Variants in ITPR2 observed in about 807,000 individuals in gnomAD.
The protein encoded by ITPR2 is inositol 1,4,5-trisphosphate-gated calcium channel ITPR2.
In ITPR2, 207 loss-of-function variants were observed where a neutral mutation model predicts 317.1. That is an observed-to-expected ratio of 0.65 (90% confidence interval 0.58 to 0.73). ITPR2 has a LOEUF of 0.73. ITPR2 is among the 30% of genes least tolerant of loss of function. The pLI is 0.00. For missense variants in ITPR2, 2,613 were observed against 3,284.0 expected (o/e 0.80, Z 4.99); for synonymous variants, 1,156 against 1,149.1 (o/e 1.01, Z -0.12).
At position 26,337,997 on chromosome 12, in the gene ITPR2, A is replaced by T. The variant is rs1238368009; in HGVS notation, c.*1400T>A. On this transcript the variant is annotated 3_prime_UTR_variant, in exon 57 of 57. Coordinates refer to ENST00000381340, the MANE Select transcript of ITPR2 (RefSeq NM_002223.4). ...CAGAGCAAACCCTATAGCAAACCCT[A>T]TCTAGACCTTAAACCTTGGCGTTGA... The T allele has an allele frequency of 2.0e-5, 3 of 152,180 alleles. No individual in the cohort carries two copies. The highest frequency in any genetic ancestry group is 7.2e-5 in the African/African-American group (3 of 41,444). 9.4% of individuals were successfully genotyped at this position (152,180 alleles called of 1,614,324 possible).
intron 2 of ITPR2, 90 bp downstream of exon 2, chr12:26,790,067 T>A (rs1950316886): frequency 1.2e-6 from 1 of 845,634 alleles, no homozygotes; most frequent in East Asian, 2.6e-5. Flanking sequence ...AGTTTCACAT[T>A]GAATAAAGTT....
At chr12:26,508,982 T>C (rs954859801) in intron 37 of ITPR2, among the ~76,000 whole-genome samples, 3 of 152,118 alleles carry the variant, frequency 2.0e-5, no homozygotes, top group African/African-American at 7.2e-5. Flanking sequence ...GTAGAGACAA[T>C]CCAAATGTCC....
intron 5 of ITPR2, among the ~76,000 whole-genome samples, chr12:26,717,407 T>C (rs899798019): frequency 1.3e-5 from 2 of 152,204 alleles, no homozygotes; most frequent in African/African-American, 4.8e-5. Flanking sequence ...TATCTGGCGA[T>C]TGAAATATAA....
At chr12:26,811,757 G>C (rs1452579551) in intron 1 of ITPR2, among the ~76,000 whole-genome samples, 2 of 151,196 alleles carry the variant, frequency 1.3e-5, no homozygotes, top group Non-Finnish European at 2.9e-5. Flanking sequence ...AGGAGGCTGA[G>C]GCAGGAGAAT....
At chr12:26,634,732 A>G (rs1311800068) in intron 21 of ITPR2, among the ~76,000 whole-genome samples, 1 of 151,898 alleles carries the variant, frequency 6.6e-6, no homozygotes, top group Non-Finnish European at 1.5e-5. Context: ...TAAAAATACA[A>G]AAACTAGCCG....
chr12:26,407,283 G>C (rs1050161054), intron 52 of ITPR2, among the ~76,000 whole-genome samples: 2 of 152,080 alleles, frequency 1.3e-5, no homozygotes, highest in African/African-American at 4.8e-5. Flanking sequence ...TTGTATTCAG[G>C]GTCATGAATA....
chr12:26,501,353 G>A (rs1422252129), intron 37 of ITPR2, among the ~76,000 whole-genome samples: 1 of 152,182 alleles, frequency 6.6e-6, no homozygotes, highest in Non-Finnish European at 1.5e-5. Context: ...CTGTATCTTT[G>A]TGGAGTGATA....
chr12:26,787,781 A>C (rs7316091), intron 2 of ITPR2, among the ~76,000 whole-genome samples: 24,576 of 152,186 alleles, frequency 0.16, 2,718 homozygotes, highest in Non-Finnish European at 0.24. Context: ...ACAGACTATG[A>C]GACTATGGGC....
chr12:26,390,612 A>G (rs188511528), intron 54 of ITPR2, among the ~76,000 whole-genome samples: 2 of 152,298 alleles, frequency 1.3e-5, no homozygotes, highest in African/African-American at 4.8e-5. Context: ...GATGATGGCT[A>G]AAGGGTATGG....
chr12:26,444,608 G>C (rs1941564796), intron 45 of ITPR2, among the ~76,000 whole-genome samples: 1 of 152,172 alleles, frequency 6.6e-6, no homozygotes. Flanking sequence ...GAAGCACAGA[G>C]AGTGTAAGGA....
intron 1 of ITPR2, among the ~76,000 whole-genome samples, chr12:26,797,065 G>A (rs1950459142): frequency 6.6e-6 from 1 of 151,698 alleles, no homozygotes; most frequent in African/African-American, 2.4e-5. Flanking sequence ...ATGACTAAAT[G>A]AATAATTTCA....
At chr12:26,474,785 C>T (rs888259626) in intron 45 of ITPR2, among the ~76,000 whole-genome samples, 5 of 111,470 alleles carry the variant, frequency 4.5e-5, no homozygotes, top group African/African-American at 1.6e-4. Flanking sequence ...CAGAGCGAGA[C>T]TCCGTCTCAA....
Position 26,656,374 on chromosome 12 carries a change from C to T in ITPR2, c.2367G>A (p.Arg789=), listed in dbSNP as rs762627628. The T allele has an allele frequency of 1.2e-6, 2 of 1,614,142 alleles. No homozygotes were observed. The highest frequency in any genetic ancestry group is 1.7e-6 in the Non-Finnish European group (2 of 1,180,020). Reference sequence around the variant, plus strand: ...CAGGCACCACGGACTCCTGGGGATCCCGGTCAACGTGCATGTGGAGCATGA... The same window carrying T: ...CAGGCACCACGGACTCCTGGGGATCTCGGTCAACGTGCATGTGGAGCATGA... ...CRLMLHMHVD[R]DPQESVVPVR... is the part of the protein sequence containing the mutation. The change falls in exon 19 of 57, where the codon CGG becomes CGA. Residue 789 remains arginine (R), a synonymous_variant. Transcript: ENST00000381340.
chr12:26,572,740 T>C (rs1001452), intron 34 of ITPR2, among the ~76,000 whole-genome samples: 17,322 of 152,246 alleles, frequency 0.11, 1,062 homozygotes, highest in Middle Eastern at 0.2. Flanking sequence ...CTTTGAAGGT[T>C]CTTGGTCTGA....
intron 2 of ITPR2, among the ~76,000 whole-genome samples, chr12:26,787,435 G>A (rs1565766547): frequency 6.6e-6 from 1 of 152,196 alleles, no homozygotes; most frequent in Non-Finnish European, 1.5e-5. Flanking sequence ...CTCTGAACCA[G>A]TGCCCAGTGA....
At chr12:26,450,232 T>C (rs1941705321) in intron 45 of ITPR2, among the ~76,000 whole-genome samples, 1 of 152,186 alleles carries the variant, frequency 6.6e-6, no homozygotes, top group African/African-American at 2.4e-5. Flanking sequence ...ATGTCTGTCA[T>C]TGTGAACTTC....
At chr12:26,601,531 T>C (rs1156665045) in intron 28 of ITPR2, among the ~76,000 whole-genome samples, 2 of 152,204 alleles carry the variant, frequency 1.3e-5, no homozygotes, top group Non-Finnish European at 2.9e-5. Flanking sequence ...AGAAGACAGA[T>C]AGTCTAGCTC....
chr12:26,367,416 T>C (rs1420078692), intron 55 of ITPR2, among the ~76,000 whole-genome samples: 2 of 152,178 alleles, frequency 1.3e-5, no homozygotes, highest in African/African-American at 4.8e-5. Flanking sequence ...ACCCTATATT[T>C]TTTTCTTTAT....
intron 32 of ITPR2, among the ~76,000 whole-genome samples, chr12:26,588,481 G>A (rs1166426422): frequency 1.3e-5 from 2 of 152,106 alleles, no homozygotes; most frequent in African/African-American, 4.8e-5. Context: ...CCTTTTGAAT[G>A]AGATTTTTTA....
Sources: allele counts gnomAD v4.1 joint callset (sites outside exome capture counted in the v4.1 genomes callset), GRCh38; gene constraint gnomAD v4.1.1; transcripts MANE v1.5; gene names NCBI Gene and HGNC (gene_info 2026-07-23, HGNC 2026-07-21).